DENND5A: variants seen among roughly 807,000 people sequenced by gnomAD.
DENND5A encodes the protein DENN domain containing 5A, also known as DENN domain-containing protein 5A.
In DENND5A, 64 loss-of-function variants were observed where a neutral mutation model predicts 140.3. That is an observed-to-expected ratio of 0.46 (90% CI 0.37 to 0.56). DENND5A has a LOEUF of 0.56. DENND5A is among the 20% of genes least tolerant of loss of function. DENND5A has a pLI of 0.00. For synonymous variants in DENND5A, 605 were observed against 607.7 expected, an observed-to-expected ratio of 1.00 and a Z score of 0.07; for missense variants, 1,292 against 1,593.8, an observed-to-expected ratio of 0.81 and a Z score of 3.22.
intron 3 of DENND5A, among the ~76,000 whole-genome samples, chr11:9,205,366 C>CTATAT (rs1477154929): frequency 1.3e-5 from 2 of 152,076 alleles, no homozygotes; most frequent in Non-Finnish European, 2.9e-5. Context: ...ATACAAGGAC[C>CTATAT]TATATTATAT....
At chr11:9,254,984 T>C (rs1157623386) in intron 1 of DENND5A, among the ~76,000 whole-genome samples, 1 of 151,952 alleles carries the variant, frequency 6.6e-6, no homozygotes, top group Non-Finnish European at 1.5e-5. Context: ...GGCATGAGAA[T>C]CGCTTGAACC....
At chr11:9,228,110 CAAAAA>C (rs548141276) in intron 1 of DENND5A, among the ~76,000 whole-genome samples, 7 of 72,684 alleles carry the variant, frequency 9.6e-5, no homozygotes, top group Admixed American at 8.6e-4. Context: ...GACTCCATCT[CAAAAA>C]AAAAAAAAAA....
At chr11:9,174,696 T>C (rs1485740205) in intron 8 of DENND5A, among the ~76,000 whole-genome samples, 2 of 151,032 alleles carry the variant, frequency 1.3e-5, no homozygotes, top group African/African-American at 2.5e-5. Context: ...CGAGACCCCA[T>C]CAACATTAAA....
At chr11:9,206,969 T>C (rs867051145) in intron 2 of DENND5A, among the ~76,000 whole-genome samples, 187 bp from the exon 3 acceptor site, 2 of 152,172 alleles carry the variant, frequency 1.3e-5, no homozygotes, top group African/African-American at 4.8e-5. Flanking sequence ...GCTGAAAAAG[T>C]ATAGCATGGT....
intron 11 of DENND5A, among the ~76,000 whole-genome samples, chr11:9,162,230 CTTCT>C (rs1184026715): frequency 3.2e-5 from 4 of 123,694 alleles, no homozygotes; most frequent in African/African-American, 8.6e-5. Context: ...AGGCCAGTTC[CTTCT>C]TTTTTTTTTT....
chr11:9,241,951 T>A (rs1590326028), intron 1 of DENND5A, among the ~76,000 whole-genome samples: 1 of 150,072 alleles, frequency 6.7e-6, no homozygotes, highest in African/African-American at 2.5e-5. Flanking sequence ...GAGGTGGAGG[T>A]TGTGGTGAGC....
chr11:9,199,627 A>G (rs1263282763), intron 4 of DENND5A, among the ~76,000 whole-genome samples: 1 of 152,198 alleles, frequency 6.6e-6, no homozygotes, highest in Non-Finnish European at 1.5e-5. Flanking sequence ...AAAAGAAAAC[A>G]CTGCTTAAAA....
In DENND5A at chr11:9,226,171, G is replaced by A. The variant is rs573193016; in HGVS notation, c.110-18539C>T. On this transcript the variant is annotated intron_variant, in intron 1 of 22. Transcript: ENST00000328194. ...AACCCTCAGATTATATCATTAATAAGCTATTCTAGATTTTGACTGGAACAT... is the reference window on the plus strand; with the variant it reads ...AACCCTCAGATTATATCATTAATAAACTATTCTAGATTTTGACTGGAACAT... Among the ~76,000 whole-genome samples, 4 of 152,110 alleles carry A rather than the reference G, an allele frequency of 2.6e-5. No homozygotes were observed. In the East Asian group the frequency reaches 7.7e-4, roughly 29 times the overall value.
chr11:9,240,715 A>T (rs1406363353), intron 1 of DENND5A, among the ~76,000 whole-genome samples: 1 of 148,488 alleles, frequency 6.7e-6, no homozygotes, highest in Non-Finnish European at 1.5e-5. Flanking sequence ...GTCTCAAAAC[A>T]AAAAAAAAGA....
intron 8 of DENND5A, chr11:9,175,509 A>G (rs1055748826): frequency 1.3e-5 from 2 of 152,232 alleles, no homozygotes; most frequent in African/African-American, 4.8e-5. Flanking sequence ...CAGAATAGCC[A>G]AAACAACTTT....
intron 1 of DENND5A, among the ~76,000 whole-genome samples, chr11:9,256,376 C>T (rs543585693): frequency 1.3e-4 from 20 of 152,144 alleles, no homozygotes; most frequent in South Asian, 1.0e-3. Context: ...AGGAGAATCA[C>T]TTGAACCTGG....
At chr11:9,143,096 A>G in intron 20 of DENND5A, 1 of 595,466 alleles carries the variant, frequency 1.7e-6, no homozygotes, top group South Asian at 2.2e-5. Context: ...TGGAGGACAA[A>G]GCCAGTGTGG....
In DENND5A at chr11:9,143,420, G is replaced by A. The variant is rs752036426; in HGVS notation, c.3370C>T (p.His1124Tyr). ...EAVNGIVKHF[H>Y]KPEKERGSLT... ...AGGCTCACCTCTTTCTCAGGCTTAT[G>A]GAAGTGCTTCACAATGCCATTGACT... Residue 1124 changes from histidine (H) to tyrosine (Y), a missense_variant, in exon 20 of 23, where the codon CAT becomes TAT. Physicochemically the swap from His to Tyr is moderately conservative, Grantham distance 83 (BLOSUM62 2). Coordinates refer to ENST00000328194, the MANE Select transcript of DENND5A (RefSeq NM_015213.4). 67 of 1,614,072 alleles carry A rather than the reference G, an allele frequency of 4.2e-5. No homozygotes were observed. Among genetic ancestry groups the A allele is most frequent in the Non-Finnish European group, 5.6e-5 (66 of 1,179,906 alleles).
intron 12 of DENND5A, among the ~76,000 whole-genome samples, chr11:9,153,344 C>CAAAAAAAAAAA (rs59736475): frequency 3.7e-5 from 1 of 27,024 alleles, no homozygotes; most frequent in African/African-American, 1.3e-4. Flanking sequence ...GGCTCCCTCT[C>CAAAAAAAAAAA]AAAAAAAAAA....
chr11:9,160,769 C>T lies in DENND5A; in HGVS notation c.2380G>A (p.Ala794Thr). The T allele has an allele frequency of 6.2e-7, 1 of 1,613,930 alleles. No individual in the cohort carries two copies. The highest frequency in any genetic ancestry group is 8.5e-7 in the Non-Finnish European group (1 of 1,179,810). The stretch of plus-strand genomic sequence containing the variant: ...CTTTCCAGGAGATCACAAAGGCTGG[C>T]AATCAGGGTGTTCTCTTCCACCCCT... ...ITGVEENTLIASLCDLLERIW... is the reference protein window; with the variant it reads ...ITGVEENTLITSLCDLLERIW... The change falls in exon 12 of 23, where the codon GCC becomes ACC. Residue 794 changes from alanine (A) to threonine (T), a missense_variant. Transcript: ENST00000328194.
chr11:9,245,075 G>A (rs1470108202), intron 1 of DENND5A, among the ~76,000 whole-genome samples: 1 of 151,108 alleles, frequency 6.6e-6, no homozygotes, highest in African/African-American at 2.4e-5. Flanking sequence ...ACGAGGTCAG[G>A]AGACCAATAC....
chr11:9,264,968 C>G lies in DENND5A; in HGVS notation c.102G>C (p.Glu34Asp). ...LDTETGLEPD[E>D]LSALCQYIQA... ...GGCTCGGCGCGCACTCACCCGACAG[C>G]TCGTCCGGCTCCAGCCCGGTCTCCG... The change falls in exon 1 of 23, where the codon GAG (glutamate) becomes GAC (aspartate). Residue 34 changes from glutamate (E) to aspartate (D), a missense_variant. This residue lies in a region of DENND5A where 566 missense variants were observed against 650.4 expected (regional missense o/e 0.87). Transcript: ENST00000328194. The G allele has an allele frequency of 6.3e-7, 1 of 1,582,408 alleles. No individual in the cohort carries two copies. Among genetic ancestry groups the G allele is most frequent in the Non-Finnish European group, 8.6e-7 (1 of 1,166,270 alleles).
intron 1 of DENND5A, among the ~76,000 whole-genome samples, chr11:9,214,673 C>T (rs1324683854): frequency 6.6e-6 from 1 of 152,174 alleles, no homozygotes; most frequent in Non-Finnish European, 1.5e-5. Context: ...ACCCAGAATA[C>T]AAGCAGTGAA....
At chr11:9,192,788 C>T (rs966701505) in intron 5 of DENND5A, among the ~76,000 whole-genome samples, 1 of 152,198 alleles carries the variant, frequency 6.6e-6, no homozygotes, top group Admixed American at 6.5e-5. Flanking sequence ...GAAAGCACTT[C>T]CCTGCAGGTA....
Sources: gnomAD v4.1 joint callset for allele counts (sites outside exome capture counted in the v4.1 genomes callset) on GRCh38, gnomAD v4.1.1 for gene constraint, gnomAD v4.1.1 regional missense constraint, MANE v1.5 for transcripts, NCBI Gene and HGNC (gene_info 2026-07-23, HGNC 2026-07-21) for gene names.